RBFOX1: variants seen among roughly 807,000 people sequenced by gnomAD.
The protein encoded by RBFOX1 is RNA binding fox-1 homolog 1, also known as RNA binding protein fox-1 homolog 1.
In RBFOX1, 8 loss-of-function variants were observed where a neutral mutation model predicts 57.7. That is an observed-to-expected ratio of 0.14 (90% CI 0.08 to 0.25). The LOEUF (loss-of-function observed/expected upper bound fraction) is 0.25. RBFOX1 is among the 10% of genes least tolerant of loss of function. The pLI is 1.00. For missense variants in RBFOX1, 611 were observed against 548.5 expected (o/e 1.11, Z -1.14); for synonymous variants, 326 against 222.4 (o/e 1.47, Z -4.15).
intron 4 of RBFOX1, among the ~76,000 whole-genome samples, chr16:7,248,797 G>T (rs1043194122): frequency 6.6e-6 from 1 of 152,150 alleles, no homozygotes; most frequent in Non-Finnish European, 1.5e-5. Flanking sequence ...CAGGGAAAAT[G>T]CTATTTATAA....
chr16:5,388,443 C>T (rs953878340), intron 1 of RBFOX1, among the ~76,000 whole-genome samples: 4 of 152,136 alleles, frequency 2.6e-5, no homozygotes, highest in Non-Finnish European at 4.4e-5. Flanking sequence ...CTTTGGTTAC[C>T]GTCTCAATGC....
rs1224779277 is a variant in RBFOX1, at chr16:7,186,617, CAT to C, written c.27+134522_27+134523del. Reference sequence around the variant, plus strand: ...ATATTTATATAAATATAAGCATAAACATATTTATATAAATATAATATTTATAT... The same window carrying C: ...ATATTTATATAAATATAAGCATAAACATTTATATAAATATAATATTTATAT... On this transcript the variant is annotated intron_variant, in intron 4 of 15. Transcript: ENST00000550418. Among the ~76,000 whole-genome samples the C allele has an allele frequency of 4.8e-4, 67 of 139,642 alleles. 2 individuals are homozygous for C. The highest frequency in any genetic ancestry group is 4.6e-3 in the Middle Eastern group (1 of 216). The allele number at this position is 139,642 out of a possible 152,430, so 91.6% of individuals were successfully genotyped here. A position where few individuals can be genotyped will look rare whatever the true frequency, so the allele number is the denominator to read the frequency against.
At chr16:7,561,749 A>G (rs2090422669) in intron 5 of RBFOX1, among the ~76,000 whole-genome samples, 1 of 152,228 alleles carries the variant, frequency 6.6e-6, no homozygotes, top group African/African-American at 2.4e-5. Flanking sequence ...CAGGGAGATC[A>G]GTGCCATCTT....
At chr16:6,387,434 G>C (rs1431112668) in intron 2 of RBFOX1, among the ~76,000 whole-genome samples, 1 of 150,514 alleles carries the variant, frequency 6.6e-6, no homozygotes, top group Middle Eastern at 3.2e-3. Flanking sequence ...TTGCTTGTGA[G>C]GGAAGAGCCA....
At position 5,733,939 on chromosome 16, in the gene RBFOX1, C is replaced by T. The variant is rs77601779; in HGVS notation, c.319-133364C>T. Among the ~76,000 whole-genome samples the T allele has an allele frequency of 2.1e-3, 325 of 152,212 alleles. 4 individuals are homozygous for T. The East Asian group carries it at 0.036, about 17-fold the overall frequency. On this transcript the variant is annotated intron_variant, in intron 3 of 19. Transcript: ENST00000641259. The stretch of plus-strand genomic sequence containing the variant: ...ACCCCACCCTTCATTTTCTCCATTT[C>T]CTTCATGCTTCCTGACCTCGACCCT...
At chr16:7,643,035 T>G (rs759376278) in intron 11 of RBFOX1, among the ~76,000 whole-genome samples, 1 of 152,238 alleles carries the variant, frequency 6.6e-6, no homozygotes, top group Non-Finnish European at 1.5e-5. Context: ...CATTTGCCAC[T>G]TGTCTGTTGG....
At chr16:7,394,422 C>T (rs1437494508) in intron 4 of RBFOX1, among the ~76,000 whole-genome samples, 1 of 152,034 alleles carries the variant, frequency 6.6e-6, no homozygotes, top group Non-Finnish European at 1.5e-5. Flanking sequence ...CTCTTGCTTA[C>T]CTCCCCTAAT....
intron 1 of RBFOX1, among the ~76,000 whole-genome samples, chr16:5,250,088 C>T (rs1259367342): frequency 6.6e-6 from 1 of 151,500 alleles, no homozygotes; most frequent in Non-Finnish European, 1.5e-5. Context: ...GAGATTGTGT[C>T]CCTGGACTCC....
chr16:6,186,652 G>T (rs756744292), intron 1 of RBFOX1, among the ~76,000 whole-genome samples: 5 of 152,158 alleles, frequency 3.3e-5, no homozygotes, highest in South Asian at 2.1e-4. Context: ...TGGATTATGG[G>T]TTAGTGTGAG....
chr16:5,845,115 C>A (rs977594558), intron 3 of RBFOX1, among the ~76,000 whole-genome samples: 1 of 149,240 alleles, frequency 6.7e-6, no homozygotes, highest in African/African-American at 2.5e-5. Flanking sequence ...ATTTCAGAGG[C>A]CTGTATTCCC....
intron 2 of RBFOX1, among the ~76,000 whole-genome samples, chr16:6,349,840 C>T (rs1349473001): frequency 6.6e-6 from 1 of 152,070 alleles, no homozygotes; most frequent in African/African-American, 2.4e-5. Context: ...AGATATCCAA[C>T]TCCAAGAATT....
rs537671945 is a variant in RBFOX1 at position 6,905,913 on chromosome 16, G to C, written c.-15-146144G>C. On this transcript the variant is annotated intron_variant, in intron 3 of 15. Transcript: ENST00000550418. ...TGAGTGTCCACAGGCTTTCTCTGTA[G>C]TGACATTGACTTCCTTCTGCCCTTG... 9.0e-4 allele frequency among the ~76,000 whole-genome samples: 137 copies of C among 152,310 alleles called. 1 individual carries two copies. Among genetic ancestry groups the C allele is most frequent in the African/African-American group, 3.3e-3 (136 of 41,570 alleles).
At chr16:6,999,206 A>ATTTTTTTTTT (rs1220412235) in intron 3 of RBFOX1, among the ~76,000 whole-genome samples, 1 of 72,124 alleles carries the variant, frequency 1.4e-5, no homozygotes, top group African/African-American at 6.0e-5. Context: ...TTTATTTTTT[A>ATTTTTTTTTT]TTTTTATTTA....
At position 5,270,498 on chromosome 16, in the gene RBFOX1, A is replaced by C. The variant is rs1249917757; in HGVS notation, c.219+30393A>C. On this transcript the variant is annotated intron_variant, in intron 1 of 2. Coordinates refer to the RBFOX1 transcript ENST00000585867. ...TATGGCATGGGTCTTACCTGTGACA[A>C]AATATGTTCCATGGTTGAAAAATGT... is the stretch of plus-strand genomic sequence containing the variant. 2.8e-5 allele frequency: 19 copies of C among 688,532 alleles called. No individual in the cohort carries two copies. In the East Asian group the frequency reaches 5.1e-4, roughly 18 times the overall value. The allele number at this position is 688,532 out of a possible 1,614,324, so 42.7% of individuals were successfully genotyped here.
intron 3 of RBFOX1, among the ~76,000 whole-genome samples, chr16:5,725,366 C>T (rs1455798780): frequency 6.6e-6 from 1 of 152,128 alleles, no homozygotes; most frequent in Non-Finnish European, 1.5e-5. Context: ...GCCTCAGCTT[C>T]CTGAGTAACT....
At chr16:7,062,317 C>CAAAAAAAAAAAAAAAAAAAAAAA (rs57989614) in intron 4 of RBFOX1, among the ~76,000 whole-genome samples, 1 of 65,340 alleles carries the variant, frequency 1.5e-5, no homozygotes, top group African/African-American at 6.1e-5. Flanking sequence ...GACTCCATCT[C>CAAAAAAAAAAAAAAAAAAAAAAA]AAAAAAAAAA....
At chr16:7,508,190 T>C (rs2073984845) in intron 4 of RBFOX1, among the ~76,000 whole-genome samples, 1 of 150,742 alleles carries the variant, frequency 6.6e-6, no homozygotes, top group Non-Finnish European at 1.5e-5. Context: ...TTTTAGCAGG[T>C]TGGCCTCAAA....
chr16:6,959,444 A>G (rs2082501560), intron 3 of RBFOX1, among the ~76,000 whole-genome samples: 1 of 152,188 alleles, frequency 6.6e-6, no homozygotes, highest in African/African-American at 2.4e-5. Flanking sequence ...ATGAAGGCAG[A>G]AGTTGGAATA....
intron 1 of RBFOX1, among the ~76,000 whole-genome samples, chr16:5,266,242 G>T (rs1294266765): frequency 6.6e-6 from 1 of 152,114 alleles, no homozygotes; most frequent in Non-Finnish European, 1.5e-5. Context: ...TATGTGTGGG[G>T]GTTCCCTGTG....
Sources: allele counts gnomAD v4.1 joint callset (sites outside exome capture counted in the v4.1 genomes callset), GRCh38; gene constraint gnomAD v4.1.1; transcripts MANE v1.5; gene names NCBI Gene and HGNC (gene_info 2026-07-23, HGNC 2026-07-21).